Variants in PLXDC2 observed in about 807,000 individuals in gnomAD.
PLXDC2 encodes plexin domain containing 2.
In PLXDC2, 40 loss-of-function variants were observed where a neutral mutation model predicts 68.9. The observed-to-expected ratio is 0.58, with a 90% CI of 0.45 to 0.76. The LOEUF is 0.76. Ranked by LOEUF, PLXDC2 falls within the 30% of genes least tolerant of loss-of-function variation. The pLI is 0.00. For missense variants in PLXDC2, 644 were observed against 661.9 expected, an observed-to-expected ratio of 0.97 and a Z score of 0.30; for synonymous variants, 243 against 234.2, an observed-to-expected ratio of 1.04 and a Z score of -0.34.
chr10:20,010,188 G>A (rs2131643594), intron 2 of PLXDC2, among the ~76,000 whole-genome samples: 1 of 152,248 alleles, frequency 6.6e-6, no homozygotes, highest in South Asian at 2.1e-4. Flanking sequence ...ATCTAATGTG[G>A]GTTGAGAATC....
intron 4 of PLXDC2, among the ~76,000 whole-genome samples, chr10:20,084,789 A>G (rs906078095): frequency 6.6e-6 from 1 of 152,088 alleles, no homozygotes; most frequent in East Asian, 2.0e-4. Flanking sequence ...GACAGTCACA[A>G]ATTTCCTCTA....
At chr10:19,835,308 G>C (rs553391847) in intron 1 of PLXDC2, among the ~76,000 whole-genome samples, 60 of 152,184 alleles carry the variant, frequency 3.9e-4, no homozygotes, top group African/African-American at 1.4e-3. Context: ...AGCTAGGAAG[G>C]GCAGGTCTAG....
intron 12 of PLXDC2, among the ~76,000 whole-genome samples, chr10:20,230,647 G>A (rs1345627760): frequency 8.1e-6 from 1 of 124,158 alleles, no homozygotes; most frequent in Non-Finnish European, 1.6e-5. Flanking sequence ...ACACCATGGT[G>A]AGCGCATGGT....
chr10:20,059,120 A>G (rs1487279529), intron 3 of PLXDC2, among the ~76,000 whole-genome samples: 1 of 152,144 alleles, frequency 6.6e-6, no homozygotes, highest in Non-Finnish European at 1.5e-5. Context: ...TTGCACCTCG[A>G]GGTTTGAGAA....
At chr10:19,840,707 A>G (rs55696553) in intron 1 of PLXDC2, among the ~76,000 whole-genome samples, 1,852 of 152,238 alleles carry the variant, frequency 0.012, 39 homozygotes, top group African/African-American at 0.043. Flanking sequence ...AAAACAAATT[A>G]CTAGGAAAGG....
At chr10:20,172,488 G>GT (rs1438871149) in intron 7 of PLXDC2, among the ~76,000 whole-genome samples, 1 of 152,038 alleles carries the variant, frequency 6.6e-6, no homozygotes, top group Non-Finnish European at 1.5e-5. Context: ...TTCCTTAATT[G>GT]TTTTTTCTTT....
chr10:20,210,628 T>C (rs963809886), intron 9 of PLXDC2, among the ~76,000 whole-genome samples: 7 of 152,154 alleles, frequency 4.6e-5, no homozygotes, highest in Non-Finnish European at 8.8e-5. Context: ...ATACTCGGGT[T>C]CCATGATTCA....
rs71200986 is a variant in PLXDC2, at chr10:20,149,229, C to CTTTTTTTTTTTTTT, written c.783+1340_783+1353dup. On this transcript the variant is annotated intron_variant, in intron 6 of 13. Coordinates refer to ENST00000377252, the MANE Select transcript of PLXDC2 (RefSeq NM_032812.9). The stretch of plus-strand genomic sequence containing the variant: ...ATTTTTCTTTCTTTTTTTTTCTTTT[C>CTTTTTTTTTTTTTT]TTTTTTTTTTTTTTTTTTTTTTTTT... Among the ~76,000 whole-genome samples the CTTTTTTTTTTTTTT allele has an allele frequency of 8.2e-3, 288 of 34,950 alleles. 9 individuals carry two copies. Among genetic ancestry groups the CTTTTTTTTTTTTTT allele is most frequent in the Middle Eastern group, 0.042 (1 of 24 alleles). The allele number at this position is 34,950 out of a possible 152,430, so 22.9% of individuals were successfully genotyped here. A position where few individuals can be genotyped will look rare whatever the true frequency, so the allele number is the denominator to read the frequency against.
chr10:20,098,385 A>G (rs867967160), intron 4 of PLXDC2, among the ~76,000 whole-genome samples: 79 of 80,736 alleles, frequency 9.8e-4, no homozygotes, highest in South Asian at 2.8e-3. Flanking sequence ...GTGTGTGTGT[A>G]TGTATGTAAT....
At chr10:20,052,827 A>C (rs1835928633) in intron 3 of PLXDC2, among the ~76,000 whole-genome samples, 1 of 152,052 alleles carries the variant, frequency 6.6e-6, no homozygotes, top group South Asian at 2.1e-4. Context: ...AGTAAGCAAG[A>C]GGTGGAGTGA....
chr10:19,994,253 CTTTTTTTTTTTT>C (rs528321973), intron 1 of PLXDC2, among the ~76,000 whole-genome samples: 3 of 87,504 alleles, frequency 3.4e-5, no homozygotes, highest in Admixed American at 1.5e-4. Flanking sequence ...TTGTATTCTC[CTTTTTTTTTTTT>C]TTTTTTTTTT....
chr10:20,023,947 T>G (rs894645620), intron 2 of PLXDC2, among the ~76,000 whole-genome samples: 1 of 152,120 alleles, frequency 6.6e-6, no homozygotes, highest in African/African-American at 2.4e-5. Context: ...AATTAAGAAC[T>G]CTTATATCAA....
chr10:19,836,757 G>T (rs1320578540), intron 1 of PLXDC2, among the ~76,000 whole-genome samples: 2 of 152,298 alleles, frequency 1.3e-5, no homozygotes, highest in South Asian at 2.1e-4. Flanking sequence ...CACCCTGAAA[G>T]AAAGGCAATC....
At chr10:19,918,657 G>C (rs1043872179) in intron 1 of PLXDC2, among the ~76,000 whole-genome samples, 3 of 152,196 alleles carry the variant, frequency 2.0e-5, no homozygotes, top group African/African-American at 7.2e-5. Context: ...GAAATTGTGT[G>C]AGAGAACATA....
chr10:20,065,512 T>C (rs1785996003), intron 3 of PLXDC2, among the ~76,000 whole-genome samples: 1 of 152,112 alleles, frequency 6.6e-6, no homozygotes, highest in Admixed American at 6.6e-5. Context: ...GGGGATGGTT[T>C]TGGGATGATT....
chr10:20,031,970 C>T (rs888736443), intron 2 of PLXDC2, among the ~76,000 whole-genome samples: 1 of 152,056 alleles, frequency 6.6e-6, no homozygotes, highest in African/African-American at 2.4e-5. Flanking sequence ...CAGGTGTGTG[C>T]TACCACGTCC....
At chr10:20,260,099 T>C (rs985082664) in intron 13 of PLXDC2, among the ~76,000 whole-genome samples, 2 of 152,116 alleles carry the variant, frequency 1.3e-5, no homozygotes, top group African/African-American at 4.8e-5. Flanking sequence ...TATACAACAA[T>C]GACATTTTTG....
Position 20,279,850 on chromosome 10 carries a change from G to A in PLXDC2, c.*31G>A, listed in dbSNP as rs751544716. On this transcript the variant is annotated 3_prime_UTR_variant, in exon 14 of 14. Coordinates refer to ENST00000377252, the MANE Select transcript of PLXDC2 (RefSeq NM_032812.9). The stretch of plus-strand genomic sequence containing the variant: ...CTAGGACAGAACAACACCAGTACTG[G>A]TTTACAGGTGTTAAGACTAAAATTT... 6.3e-7 allele frequency: 1 copy of A among 1,580,850 alleles called. No homozygotes were observed. The highest frequency in any genetic ancestry group is 1.1e-5 in the South Asian group (1 of 89,774).
At chr10:20,227,285 G>A (rs552812611) in intron 12 of PLXDC2, among the ~76,000 whole-genome samples, 74 of 152,162 alleles carry the variant, frequency 4.9e-4, no homozygotes, top group Middle Eastern at 3.4e-3. Context: ...TGATATTTAC[G>A]TATAGTGTGA....
Sources: gnomAD v4.1 joint callset for allele counts (sites outside exome capture counted in the v4.1 genomes callset) on GRCh38, gnomAD v4.1.1 for gene constraint, MANE v1.5 for transcripts, NCBI Gene and HGNC (gene_info 2026-07-23, HGNC 2026-07-21) for gene names.